The following CTSB variants were observed in gnomAD, a reference collection of about 807,000 sequenced individuals.
The protein encoded by CTSB is cathepsin B, also known as APP secretase.
CTSB carries 57 observed loss-of-function variants against 44.3 expected under a neutral mutation model. That is an observed-to-expected ratio of 1.29 (90% CI 1.04 to 1.60). CTSB has a LOEUF of 1.60. CTSB is among the 40% of genes most tolerant of loss of function. The probability of loss-of-function intolerance (pLI) is 0.00; values close to 1 mark genes in which losing one functional copy is unlikely to be tolerated. For missense variants in CTSB, 768 were observed against 443.0 expected, an observed-to-expected ratio of 1.73 and a Z score of -6.59; for synonymous variants, 320 against 168.0, an observed-to-expected ratio of 1.91 and a Z score of -7.00.
chr8:11,849,389 G>T, intron 4 of CTSB: 1 of 374,686 alleles, frequency 2.7e-6, no homozygotes, highest in South Asian at 2.8e-5. Flanking sequence ...CAAGTGATTT[G>T]CCCACCTTGG....
At chr8:11,856,290 G>A (rs1016159977) in intron 1 of CTSB, among the ~76,000 whole-genome samples, 1 of 152,020 alleles carries the variant, frequency 6.6e-6, no homozygotes, top group African/African-American at 2.4e-5. Context: ...CAGAGTAACT[G>A]TTAAATTACG....
rs115516264 is a variant in CTSB at position 11,858,928 on chromosome 8, T to C, written c.-25-5449A>G. On this transcript the variant is annotated intron_variant, in intron 1 of 9. Coordinates refer to ENST00000353047, the MANE Select transcript of CTSB (RefSeq NM_001908.5). Reference sequence around the variant, plus strand: ...AATTCTGTGCTTTCTGCTCTGCTTCTTACAAGAGATGATGAACACAAAGTC... The same window carrying C: ...AATTCTGTGCTTTCTGCTCTGCTTCCTACAAGAGATGATGAACACAAAGTC... Among the ~76,000 whole-genome samples, 696 of 152,308 alleles carry C rather than the reference T, an allele frequency of 4.6e-3. 4 individuals carry two copies. The highest frequency in any genetic ancestry group is 0.016 in the African/African-American group (662 of 41,566).
Position 11,848,114 on chromosome 8 carries a change from C to T in CTSB, c.485G>A (p.Trp162Ter), listed in dbSNP as rs2131010966. ...ACCAGAAACCAGGCCTTTTCTTGTCCAGAAGTTCCAAGCTTCAGCAGGATA... is the reference window on the plus strand; with the variant it reads ...ACCAGAAACCAGGCCTTTTCTTGTCTAGAAGTTCCAAGCTTCAGCAGGATA... ...GGYPAEAWNF[W>*]TRKGLVSGGL... Residue 162 changes from tryptophan (W) to a stop codon, truncating the protein, a stop_gained, in exon 6 of 10, where the codon TGG becomes TAG. Transcript: ENST00000353047. LOFTEE classifies it high-confidence loss of function. The T allele has an allele frequency of 6.2e-7, 1 of 1,614,204 alleles. No individual in the cohort carries two copies. The highest frequency in any genetic ancestry group is 1.1e-5 in the South Asian group (1 of 91,080).
At chr8:11,857,085 G>A (rs1025980562) in intron 1 of CTSB, among the ~76,000 whole-genome samples, 1 of 152,136 alleles carries the variant, frequency 6.6e-6, no homozygotes, top group East Asian at 1.9e-4. Context: ...GTACAGTGGC[G>A]CAATCTTGGC....
intron 1 of CTSB, 133 bp from the exon 2 acceptor site, chr8:11,853,612 G>A (rs532017293): frequency 4.6e-6 from 4 of 865,484 alleles, no homozygotes; most frequent in Non-Finnish European, 6.8e-6. Flanking sequence ...CTCTTAAGGA[G>A]CTGAGGTGTC....
At position 11,844,288 on chromosome 8, in the gene CTSB, C is replaced by G. The variant is rs974869507; in HGVS notation, c.*837G>C. On this transcript the variant is annotated 3_prime_UTR_variant, in exon 10 of 10. Transcript: ENST00000353047. Reference sequence around the variant, plus strand: ...GCAGCTACAAGTCTATAGGCAGTGACAAAGGATCTGAGATCCCATCAGAGT... The same window carrying G: ...GCAGCTACAAGTCTATAGGCAGTGAGAAAGGATCTGAGATCCCATCAGAGT... The G allele has an allele frequency of 1.3e-5, 2 of 152,218 alleles. No homozygotes were observed. Among genetic ancestry groups the G allele is most frequent in the African/African-American group, 4.8e-5 (2 of 41,462 alleles). 9.4% of individuals were successfully genotyped at this position (152,218 alleles called of 1,614,324 possible).
chr8:11,846,689 C>T (rs908204857), intron 8 of CTSB, among the ~76,000 whole-genome samples: 1 of 152,220 alleles, frequency 6.6e-6, no homozygotes, highest in South Asian at 2.1e-4. Flanking sequence ...ATAACAGAAA[C>T]ATGCTGGTAA....
chr8:11,851,935 G>A (rs896069676), intron 3 of CTSB, among the ~76,000 whole-genome samples: 10 of 152,154 alleles, frequency 6.6e-5, no homozygotes, highest in Admixed American at 1.3e-4. Flanking sequence ...CCAAAGTGCT[G>A]GGATTACAGG....
At chr8:11,850,450 A>G (rs1030089495) in intron 4 of CTSB, among the ~76,000 whole-genome samples, 7 of 150,570 alleles carry the variant, frequency 4.6e-5, no homozygotes, top group Non-Finnish European at 7.4e-5. Context: ...AAGAAAGAAA[A>G]AGAAAACAAA....
At chr8:11,846,338 A>G (rs1428012577) in intron 8 of CTSB, 1 of 152,312 alleles carries the variant, frequency 6.6e-6, no homozygotes, top group Non-Finnish European at 1.5e-5. Context: ...TTTTAATAAT[A>G]AGGGCGAGGA....
At chr8:11,855,444 GCCA>G (rs1815346993) in intron 1 of CTSB, among the ~76,000 whole-genome samples, 2 of 152,216 alleles carry the variant, frequency 1.3e-5, no homozygotes, top group African/African-American at 4.8e-5. Context: ...ATCACTTGAG[GCCA>G]GGTGTTCAAC....
chr8:11,850,876 C>A lies in CTSB; in HGVS notation c.317G>T (p.Gly106Val), dbSNP rs1237877105. Residue 106 changes from glycine to valine, a missense_variant, in exon 4 of 10, where the codon GGC becomes GTC. By Grantham distance (109) the Gly-to-Val change is moderately radical. Transcript: ENST00000353047. ...CCAGCAGGGCCTTACCCAGCAGGAG[C>A]CACAGGAGCCCTGGTCTCTGATCTC... is the stretch of plus-strand genomic sequence containing the variant. ...IKEIRDQGSC[G>V]SCWAFGAVEA... 6.2e-7 allele frequency: 1 copy of A among 1,612,388 alleles called. No homozygotes were observed. The highest frequency in any genetic ancestry group is 1.7e-5 in the Admixed American group (1 of 59,940).
chr8:11,845,662 A>C lies in CTSB; in HGVS notation c.921T>G (p.Asn307Lys), dbSNP rs1378508710. The change falls in exon 9 of 10, where the codon AAT becomes AAG. Residue 307 changes from asparagine (N) to lysine (K), a missense_variant and splice_region_variant. Physicochemically the swap from Asn to Lys is moderately conservative, Grantham distance 94. Transcript: ENST00000353047. ...ANSWNTDWGDNGFFKILRGQD... is the reference protein window; with the variant it reads ...ANSWNTDWGDKGFFKILRGQD... ...GGCAGGAAGGGGGCAGCCACTCACCATTGTCACCCCAGTCAGTGTTCCAGG... is the reference window on the plus strand; with the variant it reads ...GGCAGGAAGGGGGCAGCCACTCACCCTTGTCACCCCAGTCAGTGTTCCAGG... The C allele has an allele frequency of 6.2e-7, 1 of 1,612,612 alleles. No homozygotes were observed. The highest frequency in any genetic ancestry group is 8.5e-7 in the Non-Finnish European group (1 of 1,178,854).
chr8:11,859,372 A>G (rs182250954), intron 1 of CTSB, among the ~76,000 whole-genome samples: 2 of 152,140 alleles, frequency 1.3e-5, no homozygotes. Flanking sequence ...AGGTGGAATG[A>G]AAGTCAAAGG....
rs1220301010 is a variant in CTSB at position 11,842,542 on chromosome 8, TTTA to T, written c.*2580_*2582del. ...AACTCAGTTTGGGAGCAGGGAGAAC[TTTA>T]TTGAGGTTATGAATATATTCTACTT... On this transcript the variant is annotated 3_prime_UTR_variant, in exon 10 of 10. Coordinates refer to ENST00000353047, the MANE Select transcript of CTSB (RefSeq NM_001908.5). 1 of 152,222 alleles carries T rather than the reference TTTA, an allele frequency of 6.6e-6. No homozygotes were observed. Among genetic ancestry groups the T allele is most frequent in the East Asian group, 1.9e-4 (1 of 5,204 alleles). 9.4% of individuals were successfully genotyped at this position (152,222 alleles called of 1,614,324 possible).
In CTSB at chr8:11,863,386, G is replaced by A. The variant is rs1227847073; in HGVS notation, c.-26+4615C>T. 3.3e-5 allele frequency among the ~76,000 whole-genome samples: 5 copies of A among 151,834 alleles called. No homozygotes were observed. In the East Asian group the frequency reaches 9.7e-4, roughly 29 times the overall value. On this transcript the variant is annotated intron_variant, in intron 1 of 9. Transcript: ENST00000353047. ...AGGCAGGAGAATCACTTGAACCCGG[G>A]AGGCGGAGGTTACAGTGAGCCGAGA...
chr8:11,859,767 CAAAAAAAAAAA>C (rs36047077), intron 1 of CTSB, among the ~76,000 whole-genome samples: 1 of 38,980 alleles, frequency 2.6e-5, no homozygotes, highest in Admixed American at 4.9e-4. Context: ...GACTCTGTCT[CAAAAAAAAAAA>C]AAAAAAAAAA....
chr8:11,859,801 A>G (rs1272798298), intron 1 of CTSB, among the ~76,000 whole-genome samples: 2 of 145,574 alleles, frequency 1.4e-5, no homozygotes, highest in Non-Finnish European at 3.0e-5. Flanking sequence ...AAGGCCGGAC[A>G]CAATGGCTCA....
intron 1 of CTSB, among the ~76,000 whole-genome samples, chr8:11,863,140 G>A (rs1008770384): frequency 6.6e-6 from 1 of 152,076 alleles, no homozygotes; most frequent in Non-Finnish European, 1.5e-5. Flanking sequence ...TAGTGACCTC[G>A]TCTCTATATA....
Sources: gnomAD v4.1 joint callset for allele counts (sites outside exome capture counted in the v4.1 genomes callset) on GRCh38, gnomAD v4.1.1 for gene constraint, MANE v1.5 for transcripts, NCBI Gene and HGNC (gene_info 2026-07-23, HGNC 2026-07-21) for gene names.